Variants in CHSY3 observed in about 807,000 individuals in gnomAD.
CHSY3 encodes the protein chondroitin sulfate synthase 3.
CHSY3 carries 35 observed loss-of-function variants against 67.2 expected under a neutral mutation model. The ratio of observed to expected loss-of-function variants is 0.52; its 90% CI spans 0.40 to 0.69. The LOEUF (loss-of-function observed/expected upper bound fraction) is 0.69, where lower values mean the gene tolerates loss of function less well. Ranked by LOEUF, CHSY3 falls within the 30% of genes least tolerant of loss-of-function variation. The probability of loss-of-function intolerance (pLI) is 0.00; values close to 1 mark genes in which losing one functional copy is unlikely to be tolerated. For synonymous variants in CHSY3, 474 were observed against 434.7 expected (o/e 1.09, Z -1.12); for missense variants, 1,069 against 1,138.5 (o/e 0.94, Z 0.88).
chr5:129,915,297 G>A (rs1256706748), intron 2 of CHSY3, among the ~76,000 whole-genome samples: 3 of 152,082 alleles, frequency 2.0e-5, no homozygotes, highest in Admixed American at 6.6e-5. Context: ...AAAAATTGAG[G>A]AGTTGCAGTT....
At chr5:129,989,262 CTTT>C (rs10632773) in intron 2 of CHSY3, among the ~76,000 whole-genome samples, 4 of 138,302 alleles carry the variant, frequency 2.9e-5, no homozygotes, top group Admixed American at 7.3e-5. Context: ...CAAACTTGTT[CTTT>C]TTTTTTTTTT....
At chr5:130,000,732 C>CTTTTTTTTTTTTTTTTTTTT (rs71000946) in intron 2 of CHSY3, among the ~76,000 whole-genome samples, 1 of 76,450 alleles carries the variant, frequency 1.3e-5, no homozygotes. Context: ...AACTTTTCTT[C>CTTTTTTTTTTTTTTTTTTTT]TTTTTTTTTT....
intron 2 of CHSY3, among the ~76,000 whole-genome samples, chr5:130,030,405 A>C (rs1764673255): frequency 6.6e-6 from 1 of 152,156 alleles, no homozygotes; most frequent in Non-Finnish European, 1.5e-5. Flanking sequence ...TGCTAAAAAA[A>C]TTGTTTATCA....
At chr5:129,942,162 G>A (rs1240390312) in intron 2 of CHSY3, among the ~76,000 whole-genome samples, 1 of 152,106 alleles carries the variant, frequency 6.6e-6, no homozygotes, top group Non-Finnish European at 1.5e-5. Flanking sequence ...TGGGATAGGT[G>A]AAAGGAGGGC....
chr5:130,184,637 G>T lies in CHSY3; in HGVS notation c.1495G>T (p.Val499Phe). Reference protein sequence around the residue: ...SILRTALDDTVLQVMEMINEN... With the variant: ...SILRTALDDTFLQVMEMINEN... ...TTTAAGAACAGCACTGGATGATACC[G>T]TCCTACAGGTGATGGAGATGATCAA... is the stretch of plus-strand genomic sequence containing the variant. The change falls in exon 3 of 3, where the codon GTC becomes TTC. Residue 499 changes from valine to phenylalanine, a missense_variant. Physicochemically the swap from Val to Phe is conservative, Grantham distance 50 (BLOSUM62 -1). Around this residue, in one of 5 missense-constraint regions of CHSY3, gnomAD observed 401 missense variants for 395.2 expected, o/e 1.01. Transcript: ENST00000305031. 1 of 1,604,426 alleles carries T rather than the reference G, an allele frequency of 6.2e-7. No individual in the cohort carries two copies. The highest frequency in any genetic ancestry group is 8.5e-7 in the Non-Finnish European group (1 of 1,171,134).
At chr5:130,150,536 G>C (rs1407034249) in intron 2 of CHSY3, among the ~76,000 whole-genome samples, 2 of 152,090 alleles carry the variant, frequency 1.3e-5, no homozygotes, top group Admixed American at 6.6e-5. Context: ...CAACCAACCA[G>C]TATTAATTAA....
chr5:130,027,451 T>A (rs927581486), intron 2 of CHSY3, among the ~76,000 whole-genome samples: 11 of 152,104 alleles, frequency 7.2e-5, no homozygotes, highest in Non-Finnish European at 1.3e-4. Flanking sequence ...AATTGTTTTT[T>A]ACATCTTAAT....
intron 2 of CHSY3, among the ~76,000 whole-genome samples, chr5:129,969,110 G>C (rs1762559099): frequency 6.6e-6 from 1 of 151,800 alleles, no homozygotes; most frequent in Admixed American, 6.6e-5. Context: ...TCTTTCAAAA[G>C]AAATATCTGT....
chr5:130,137,353 A>T (rs114578172), intron 2 of CHSY3, among the ~76,000 whole-genome samples: 1 of 152,158 alleles, frequency 6.6e-6, no homozygotes, highest in African/African-American at 2.4e-5. Flanking sequence ...GTATGTGAAG[A>T]TTATTATGAC....
chr5:130,169,698 A>AC (rs1769846617), intron 2 of CHSY3, among the ~76,000 whole-genome samples: 1 of 151,718 alleles, frequency 6.6e-6, no homozygotes, highest in Non-Finnish European at 1.5e-5. Context: ...AGAAAAAAAA[A>AC]AAACAGTAAT....
intron 2 of CHSY3, among the ~76,000 whole-genome samples, chr5:130,166,142 TC>T (rs1769740468): frequency 6.6e-6 from 1 of 152,180 alleles, no homozygotes; most frequent in African/African-American, 2.4e-5. Flanking sequence ...ATAGTTTTAT[TC>T]CTCAAATCTC....
Position 129,925,371 on chromosome 5 carries a change from G to C in CHSY3, c.1086+17011G>C, listed in dbSNP as rs188212188. On this transcript the variant is annotated intron_variant, in intron 2 of 2. Coordinates refer to ENST00000305031, the MANE Select transcript of CHSY3 (RefSeq NM_175856.5). The stretch of plus-strand genomic sequence containing the variant: ...AGAAGTTTAGTAAGAGAAATGGGAA[G>C]GCTTGAAAGATTTTAAACAGCTGAA... Among the ~76,000 whole-genome samples, 579 of 152,168 alleles carry C rather than the reference G, an allele frequency of 3.8e-3. 2 individuals are homozygous for C. Among genetic ancestry groups the C allele is most frequent in the Non-Finnish European group, 4.9e-3 (333 of 68,000 alleles).
intron 2 of CHSY3, among the ~76,000 whole-genome samples, chr5:130,042,329 C>T (rs968490834): frequency 1.3e-5 from 2 of 152,068 alleles, no homozygotes; most frequent in Non-Finnish European, 2.9e-5. Flanking sequence ...TAGCAGCTCA[C>T]TAATATGCAT....
intron 2 of CHSY3, among the ~76,000 whole-genome samples, chr5:129,915,313 C>G (rs1347327830): frequency 6.6e-6 from 1 of 152,076 alleles, no homozygotes; most frequent in Non-Finnish European, 1.5e-5. Flanking sequence ...CAGTTCTTCA[C>G]AATTCTAATG....
Position 130,068,137 on chromosome 5 carries a change from T to C in CHSY3, c.1087-116092T>C, listed in dbSNP as rs184537654. ...GAATTTAATTTCATTTGTAATTCTT[T>C]ATTGGTTTTCCAGCCAACAACTAAG... On this transcript the variant is annotated intron_variant, in intron 2 of 2. Coordinates refer to ENST00000305031, the MANE Select transcript of CHSY3 (RefSeq NM_175856.5). Among the ~76,000 whole-genome samples the C allele has an allele frequency of 1.6e-4, 25 of 152,292 alleles. No individual in the cohort carries two copies. In the South Asian group the frequency reaches 3.9e-3, roughly 24 times the overall value.
At chr5:130,050,112 A>G (rs571040896) in intron 2 of CHSY3, among the ~76,000 whole-genome samples, 13 of 152,264 alleles carry the variant, frequency 8.5e-5, no homozygotes, top group African/African-American at 3.1e-4. Context: ...TTACTGTTGT[A>G]GGGCTTTGTT....
chr5:130,091,002 T>C (rs1435706558), intron 2 of CHSY3, among the ~76,000 whole-genome samples: 1 of 152,158 alleles, frequency 6.6e-6, no homozygotes, highest in Non-Finnish European at 1.5e-5. Context: ...ATCTGTGTTT[T>C]TTTATATTTG....
At chr5:130,095,589 C>A (rs1324634603) in intron 2 of CHSY3, among the ~76,000 whole-genome samples, 1 of 152,030 alleles carries the variant, frequency 6.6e-6, no homozygotes, top group African/African-American at 2.4e-5. Context: ...CAGAAGAATT[C>A]CAATTTTAAG....
At chr5:130,048,181 A>G (rs1208133169) in intron 2 of CHSY3, among the ~76,000 whole-genome samples, 1 of 151,980 alleles carries the variant, frequency 6.6e-6, no homozygotes, top group East Asian at 1.9e-4. Flanking sequence ...CTTAAGTCTA[A>G]TCCTTATCAT....
Sources: allele counts gnomAD v4.1 joint callset (sites outside exome capture counted in the v4.1 genomes callset), GRCh38; gene constraint gnomAD v4.1.1; regional missense constraint gnomAD v4.1.1; transcripts MANE v1.5; gene names NCBI Gene and HGNC (gene_info 2026-07-23, HGNC 2026-07-21).